POLH: variants seen among roughly 807,000 people sequenced by gnomAD.
POLH encodes DNA polymerase eta transcript.
POLH carries 53 observed loss-of-function variants against 73.6 expected under a neutral mutation model. The observed-to-expected ratio is 0.72, with a 90% CI of 0.58 to 0.91. The LOEUF (loss-of-function observed/expected upper bound fraction) is 0.91, where lower values mean the gene tolerates loss of function less well. POLH is among the 40% of genes least tolerant of loss of function. The probability of loss-of-function intolerance (pLI) is 0.00; values close to 1 mark genes in which losing one functional copy is unlikely to be tolerated. For missense variants in POLH, 768 were observed against 865.4 expected, an observed-to-expected ratio of 0.89 and a Z score of 1.41; for synonymous variants, 292 against 308.5, an observed-to-expected ratio of 0.95 and a Z score of 0.56.
chr6:43,603,840 A>G, intron 6 of POLH, 52 bp from the exon 7 acceptor site: 1 of 1,595,734 alleles, frequency 6.3e-7, no homozygotes, highest in East Asian at 2.2e-5. Context: ...GTTTGCTGCT[A>G]ATTAGATAGT....
At chr6:43,578,826 T>C (rs1763690520) in intron 1 of POLH, among the ~76,000 whole-genome samples, 1 of 152,232 alleles carries the variant, frequency 6.6e-6, no homozygotes, top group Admixed American at 6.5e-5. Flanking sequence ...GATTTGTCTG[T>C]CAACTGATTC....
chr6:43,598,433 C>G (rs1027326357), intron 5 of POLH, among the ~76,000 whole-genome samples: 1 of 151,310 alleles, frequency 6.6e-6, no homozygotes, highest in Admixed American at 6.6e-5. Flanking sequence ...TCGAGACCAG[C>G]CTGACCAATA....
At chr6:43,613,377 G>A (rs1483530223) in intron 10 of POLH, among the ~76,000 whole-genome samples, 2 of 152,144 alleles carry the variant, frequency 1.3e-5, no homozygotes, top group Admixed American at 1.3e-4. Context: ...GCTGTCGGGA[G>A]GTGAGTGGTT....
chr6:43,598,425 G>C (rs530778988), intron 5 of POLH, among the ~76,000 whole-genome samples: 1 of 151,136 alleles, frequency 6.6e-6, no homozygotes, highest in Non-Finnish European at 1.5e-5. Context: ...TCAGGAGTTC[G>C]AGACCAGCCT....
chr6:43,601,088 AAATGTAAGTATTCAGGCAGCATGTT>A lies in POLH; in HGVS notation c.764_764+24del. On this transcript the variant is annotated splice_donor_variant and splice_donor_5th_base_variant and coding_sequence_variant and intron_variant, in exon 6 of 11. Coordinates refer to ENST00000372236, the MANE Select transcript of POLH (RefSeq NM_006502.3). LOFTEE classifies it high-confidence loss of function. ...CTCTTCAGCCAAATGCCCATTCGCA[AAATGTAAGTATTCAGGCAGCATGTT>A]AAATTTCACTTCTATCCATGTGTAG... is the stretch of plus-strand genomic sequence containing the variant. 1 of 1,596,432 alleles carries A rather than the reference AAATGTAAGTATTCAGGCAGCATGTT, an allele frequency of 6.3e-7. No individual in the cohort carries two copies. The highest frequency in any genetic ancestry group is 8.6e-7 in the Non-Finnish European group (1 of 1,163,994).
chr6:43,599,997 A>G (rs1391618433), intron 5 of POLH, among the ~76,000 whole-genome samples: 5 of 151,924 alleles, frequency 3.3e-5, no homozygotes, highest in Non-Finnish European at 7.4e-5. Context: ...CGTCTCTACT[A>G]AAAATACAAA....
intron 5 of POLH, among the ~76,000 whole-genome samples, chr6:43,598,982 A>ATTTT (rs938691033): frequency 3.2e-4 from 35 of 108,130 alleles, no homozygotes; most frequent in Non-Finnish European, 5.0e-4. Flanking sequence ...CACTTGCTGA[A>ATTTT]TTTTTTTTTT....
chr6:43,606,273 T>C (rs1582312106), intron 9 of POLH, among the ~76,000 whole-genome samples: 1 of 152,138 alleles, frequency 6.6e-6, no homozygotes, highest in East Asian at 1.9e-4. Flanking sequence ...TCTGCTACTT[T>C]ATATCCTTTT....
At chr6:43,576,494 C>T (rs1348855277) in intron 1 of POLH, 54 bp downstream of exon 1, 1 of 152,150 alleles carries the variant, frequency 6.6e-6, no homozygotes, top group African/African-American at 2.4e-5. Flanking sequence ...TCTATGTTGC[C>T]TTGGCTATTG....
intron 9 of POLH, 95 bp from the exon 10 acceptor site, chr6:43,610,459 C>T: frequency 1.0e-6 from 1 of 985,884 alleles, no homozygotes; most frequent in Admixed American, 1.7e-5. Flanking sequence ...CCATTGTCAC[C>T]CTGGTTCTTT....
chr6:43,610,639 T>A lies in POLH; in HGVS notation c.1160T>A (p.Leu387His), dbSNP rs1351456044. ...RLSSLRRCCA[L>H]TRYDAHKMSH... ...AGCAGCCTGCGCCGCTGCTGTGCCC[T>A]TACCCGCTATGATGCTCACAAGATG... Residue 387 changes from leucine (L) to histidine (H), a missense_variant, in exon 10 of 11, where the codon CTT (leucine) becomes CAT (histidine). By Grantham distance (99) the Leu-to-His change is moderately conservative. Coordinates refer to ENST00000372236, the MANE Select transcript of POLH (RefSeq NM_006502.3). 6.2e-7 allele frequency: 1 copy of A among 1,613,820 alleles called. No homozygotes were observed. Among genetic ancestry groups the A allele is most frequent in the South Asian group, 1.1e-5 (1 of 91,058 alleles).
At chr6:43,613,159 A>G (rs149909699) in intron 10 of POLH, among the ~76,000 whole-genome samples, 15 of 152,286 alleles carry the variant, frequency 9.8e-5, no homozygotes, top group African/African-American at 3.4e-4. Flanking sequence ...CAGTTGTGGA[A>G]TTTCATTCTC....
Position 43,610,583 on chromosome 6 carries a change from G to A in POLH, c.1104G>A (p.Val368=), listed in dbSNP as rs527322553. 3 of 1,614,050 alleles carry A rather than the reference G, an allele frequency of 1.9e-6. No homozygotes were observed. The highest frequency in any genetic ancestry group is 2.2e-5 in the South Asian group (2 of 91,054). Reference sequence around the variant, plus strand: ...ACAGGGTAGCCACCCAGCTGGTTGTGAGCATTCGTGTACAAGGAGACAAAC... The same window carrying A: ...ACAGGGTAGCCACCCAGCTGGTTGTAAGCATTCGTGTACAAGGAGACAAAC... ...DNDRVATQLV[V]SIRVQGDKRL... Residue 368 remains valine (V), a synonymous_variant, in exon 10 of 11, where the codon GTG becomes GTA. Transcript: ENST00000372236.
At position 43,619,589 on chromosome 6, in the gene POLH, A is replaced by G. The variant is rs1768580830; in HGVS notation, c.*5032A>G. Among the ~76,000 whole-genome samples, 1 of 152,138 alleles carries G rather than the reference A, an allele frequency of 6.6e-6. No homozygotes were observed. The highest frequency in any genetic ancestry group is 1.5e-5 in the Non-Finnish European group (1 of 68,036). On this transcript the variant is annotated 3_prime_UTR_variant, in exon 11 of 11. Transcript: ENST00000372236. ...TATAAACTCCTTGGGAGTCTGCCTT[A>G]TATACTTTTTATCCCCCTAAATGTT...
chr6:43,581,849 AC>A (rs1276911574), intron 1 of POLH, among the ~76,000 whole-genome samples: 7 of 150,318 alleles, frequency 4.7e-5, no homozygotes, highest in Admixed American at 1.3e-4. Context: ...TAAGCCACCG[AC>A]CCCAGCCCGC....
intron 1 of POLH, among the ~76,000 whole-genome samples, chr6:43,579,982 C>T (rs1288539709): frequency 7.1e-6 from 1 of 140,320 alleles, no homozygotes; most frequent in African/African-American, 2.7e-5. Context: ...GGTCATGGGA[C>T]AATAGTGGAG....
chr6:43,588,526 G>C (rs113629366), intron 4 of POLH: 1 of 151,760 alleles, frequency 6.6e-6, no homozygotes, highest in Non-Finnish European at 1.5e-5. Context: ...ATCTCAGCTC[G>C]CTGCAACCTC....
chr6:43,608,429 G>A (rs1368747924), intron 9 of POLH, among the ~76,000 whole-genome samples: 1 of 152,224 alleles, frequency 6.6e-6, no homozygotes, highest in East Asian at 1.9e-4. Context: ...CATAAAGAGG[G>A]ATTTGATCCA....
At chr6:43,613,514 C>A (rs1768112105) in intron 10 of POLH, 146 bp from the exon 11 acceptor site, 2 of 693,490 alleles carry the variant, frequency 2.9e-6, no homozygotes, top group South Asian at 1.8e-5. Flanking sequence ...AGAATAATTT[C>A]TGTGGCAGAA....
Sources: allele counts gnomAD v4.1 joint callset (sites outside exome capture counted in the v4.1 genomes callset), GRCh38; gene constraint gnomAD v4.1.1; transcripts MANE v1.5; gene names NCBI Gene and HGNC (gene_info 2026-07-23, HGNC 2026-07-21).